SCFD2: variants seen among roughly 807,000 people sequenced by gnomAD.
SCFD2 encodes sec1 family domain containing 2, also known as sec1 family domain-containing protein 2.
Under a neutral mutation model 58.9 loss-of-function variants are expected in SCFD2, and 54 were observed. That is an observed-to-expected ratio of 0.92 (90% CI 0.74 to 1.15). SCFD2 has a LOEUF of 1.15. Among genes scored for constraint, SCFD2 ranks in the 50% most tolerant of loss-of-function variants. The pLI is 0.00. For missense variants in SCFD2, 805 were observed against 836.6 expected, an observed-to-expected ratio of 0.96 and a Z score of 0.47; for synonymous variants, 321 against 335.9, an observed-to-expected ratio of 0.96 and a Z score of 0.49.
At chr4:53,011,004 C>T (rs895862111) in intron 5 of SCFD2, among the ~76,000 whole-genome samples, 1 of 152,140 alleles carries the variant, frequency 6.6e-6, no homozygotes. Context: ...GTTTCTATAG[C>T]GTACCTTGAA....
At chr4:53,247,724 G>A (rs1398391121) in intron 4 of SCFD2, among the ~76,000 whole-genome samples, 31 of 149,808 alleles carry the variant, frequency 2.1e-4, no homozygotes, top group African/African-American at 5.2e-4. Flanking sequence ...AGCCGGGCGC[G>A]GTGGCGGGCG....
chr4:53,240,231 C>G (rs1464444196), intron 4 of SCFD2, among the ~76,000 whole-genome samples: 1 of 152,180 alleles, frequency 6.6e-6, no homozygotes, highest in Admixed American at 6.5e-5. Flanking sequence ...CTTCAAAAAT[C>G]CCATTTCATT....
intron 5 of SCFD2, among the ~76,000 whole-genome samples, chr4:53,020,413 A>G (rs1722318107): frequency 6.6e-6 from 1 of 152,196 alleles, no homozygotes; most frequent in Non-Finnish European, 1.5e-5. Flanking sequence ...TGTTTTTTAG[A>G]AATAATTTTC....
intron 6 of SCFD2, among the ~76,000 whole-genome samples, chr4:52,908,978 T>G (rs2109473115): frequency 6.6e-6 from 1 of 152,288 alleles, no homozygotes; most frequent in South Asian, 2.1e-4. Context: ...ACCTTGCTCA[T>G]AAAGAAATTG....
intron 4 of SCFD2, among the ~76,000 whole-genome samples, chr4:53,201,276 T>C (rs1279203785): frequency 1.3e-5 from 2 of 151,968 alleles, no homozygotes; most frequent in Non-Finnish European, 2.9e-5. Flanking sequence ...CATGAGGTGT[T>C]TGGTTTTTTC....
At chr4:52,967,641 G>C (rs1028093549) in intron 5 of SCFD2, among the ~76,000 whole-genome samples, 2 of 152,178 alleles carry the variant, frequency 1.3e-5, no homozygotes, top group Non-Finnish European at 2.9e-5. Flanking sequence ...CCAGTTCTCT[G>C]TACTCCTGAT....
At position 53,033,973 on chromosome 4, in the gene SCFD2, A is replaced by G. The variant is rs568261946; in HGVS notation, c.1561+111360T>C. On this transcript the variant is annotated intron_variant, in intron 5 of 8. Transcript: ENST00000401642. ...CCCTAACTCATTTTATGAGGCCAGAATCATCCTGATACCAAAACCTGGCAG... is the reference window on the plus strand; with the variant it reads ...CCCTAACTCATTTTATGAGGCCAGAGTCATCCTGATACCAAAACCTGGCAG... Among the ~76,000 whole-genome samples, 8 of 152,330 alleles carry G rather than the reference A, an allele frequency of 5.3e-5. No individual in the cohort carries two copies. In the East Asian group the frequency reaches 1.5e-3, roughly 29 times the overall value.
At chr4:53,173,965 A>C (rs1362171066) in intron 4 of SCFD2, among the ~76,000 whole-genome samples, 1 of 152,212 alleles carries the variant, frequency 6.6e-6, no homozygotes, top group African/African-American at 2.4e-5. Flanking sequence ...AAATGTTTAA[A>C]GAAATAAAAG....
intron 5 of SCFD2, among the ~76,000 whole-genome samples, chr4:53,120,336 T>A: frequency 6.6e-6 from 1 of 152,172 alleles, no homozygotes; most frequent in East Asian, 1.9e-4. Context: ...TAAGGCGTTG[T>A]TCTAACTATG....
At chr4:53,280,931 C>G (rs570897890) in intron 3 of SCFD2, among the ~76,000 whole-genome samples, 2 of 152,256 alleles carry the variant, frequency 1.3e-5, no homozygotes, top group African/African-American at 4.8e-5. Context: ...TTTGTGCTAT[C>G]AAAGACAGCA....
rs74852139 is a variant in SCFD2, at chr4:52,873,348, C to T, written c.*621G>A. 4,596 of 152,280 alleles carry T rather than the reference C, an allele frequency of 0.03. 106 individuals carry two copies. Among genetic ancestry groups the T allele is most frequent in the Admixed American group, 0.07 (1,077 of 15,288 alleles). The allele number at this position is 152,280 out of a possible 1,614,324, so 9.4% of individuals were successfully genotyped here. A position where few individuals can be genotyped will look rare whatever the true frequency, so the allele number is the denominator to read the frequency against. On this transcript the variant is annotated 3_prime_UTR_variant, in exon 9 of 9. Transcript: ENST00000401642. ...AGTTCCAAGTAGCCTGGCAGACCTGCCCAGTGGGCCAGCTAGAACAATGCA... is the reference window on the plus strand; with the variant it reads ...AGTTCCAAGTAGCCTGGCAGACCTGTCCAGTGGGCCAGCTAGAACAATGCA...
intron 5 of SCFD2, among the ~76,000 whole-genome samples, chr4:53,087,242 T>C (rs1188560846): frequency 2.0e-5 from 3 of 152,242 alleles, no homozygotes; most frequent in Admixed American, 6.5e-5. Flanking sequence ...ATTGTGTTCA[T>C]GTTTTAGCAA....
chr4:53,006,889 G>A (rs1379649738), intron 5 of SCFD2, among the ~76,000 whole-genome samples: 9 of 152,138 alleles, frequency 5.9e-5, no homozygotes, highest in Non-Finnish European at 1.0e-4. Context: ...CCTGAACAGG[G>A]CAGCTCCTGC....
intron 4 of SCFD2, among the ~76,000 whole-genome samples, chr4:53,157,155 G>C (rs1349799122): frequency 6.6e-6 from 1 of 152,086 alleles, no homozygotes; most frequent in African/African-American, 2.4e-5. Context: ...GTGATTTTTT[G>C]AATTACATAA....
At chr4:53,238,058 C>CG (rs1729721840) in intron 4 of SCFD2, among the ~76,000 whole-genome samples, 1 of 131,334 alleles carries the variant, frequency 7.6e-6, no homozygotes, top group African/African-American at 2.9e-5. Context: ...GGGGGCTGAC[C>CG]CCCCCACCTC....
At chr4:53,280,578 G>A (rs1731479199) in intron 3 of SCFD2, among the ~76,000 whole-genome samples, 1 of 151,532 alleles carries the variant, frequency 6.6e-6, no homozygotes, top group Non-Finnish European at 1.5e-5. Flanking sequence ...ATAAAAAATT[G>A]TAAAACCCTT....
chr4:53,093,267 G>A (rs535240194), intron 5 of SCFD2, among the ~76,000 whole-genome samples: 1 of 152,244 alleles, frequency 6.6e-6, no homozygotes, highest in South Asian at 2.1e-4. Flanking sequence ...GCAAATAGTT[G>A]TTCAAGGGAT....
chr4:53,232,913 A>G (rs1729483534), intron 4 of SCFD2, among the ~76,000 whole-genome samples: 1 of 152,188 alleles, frequency 6.6e-6, no homozygotes, highest in Non-Finnish European at 1.5e-5. Context: ...ATAGCAAGGC[A>G]TAGACTTTCC....
At chr4:53,334,674 C>T (rs371343951) in intron 2 of SCFD2, among the ~76,000 whole-genome samples, 17 of 151,482 alleles carry the variant, frequency 1.1e-4, no homozygotes, top group African/African-American at 3.6e-4. Context: ...GTGGGTGCAG[C>T]GCACCAGCAT....
Sources: gnomAD v4.1 joint callset for allele counts (sites outside exome capture counted in the v4.1 genomes callset) on GRCh38, gnomAD v4.1.1 for gene constraint, MANE v1.5 for transcripts, NCBI Gene and HGNC (gene_info 2026-07-23, HGNC 2026-07-21) for gene names.